The following ZC3H18 variants were observed in gnomAD, a reference collection of about 807,000 sequenced individuals.
ZC3H18 encodes the protein zinc finger CCCH domain-containing protein 18.
Under a neutral mutation model 106.1 loss-of-function variants are expected in ZC3H18, and 8 were observed. That is an observed-to-expected ratio of 0.08 (90% CI 0.04 to 0.14). ZC3H18 has a LOEUF of 0.14. ZC3H18 is among the 10% of genes least tolerant of loss of function. The probability of loss-of-function intolerance (pLI) is 1.00; values close to 1 mark genes in which losing one functional copy is unlikely to be tolerated. For synonymous variants in ZC3H18, 635 were observed against 522.1 expected, an observed-to-expected ratio of 1.22 and a Z score of -2.95; for missense variants, 1,318 against 1,278.4, an observed-to-expected ratio of 1.03 and a Z score of -0.47.
chr16:88,622,357 G>GCCT lies in ZC3H18; in HGVS notation c.1638_1640dup (p.Ser548dup), dbSNP rs747055776. 4 of 1,611,866 alleles carry GCCT rather than the reference G, an allele frequency of 2.5e-6. No homozygotes were observed. Among genetic ancestry groups the GCCT allele is most frequent in the Non-Finnish European group, 3.4e-6 (4 of 1,178,896 alleles). On this transcript the variant is annotated inframe_insertion, in exon 9 of 18. Coordinates refer to ENST00000301011, the MANE Select transcript of ZC3H18 (RefSeq NM_144604.4). ...GGCTCGAAGGCGTCGGAAAACATCA[G>GCCT]CCTCGTCAGCCTCTGCCTCTAATTC... is the stretch of plus-strand genomic sequence containing the variant.
Position 88,577,558 on chromosome 16 carries a change from C to G in ZC3H18, c.435C>G (p.Asp145Glu). Residue 145 changes from aspartate to glutamate, a missense_variant, in exon 2 of 18, where the codon GAC becomes GAG. By Grantham distance (45) the Asp-to-Glu change is conservative. Around this residue, in one of 6 missense-constraint regions of ZC3H18, gnomAD observed 346 missense variants for 269.0 expected, o/e 1.29. Coordinates refer to ENST00000301011, the MANE Select transcript of ZC3H18 (RefSeq NM_144604.4). ...PEEPAPAVQE[D>E]EAEKAGAEDD... ...AGCCAGCTCCCGCCGTCCAGGAGGA[C>G]GAGGCTGAGAAAGCGGGGGCTGAGG... is the stretch of plus-strand genomic sequence containing the variant. 2 of 1,613,472 alleles carry G rather than the reference C, an allele frequency of 1.2e-6. No homozygotes were observed. The highest frequency in any genetic ancestry group is 1.7e-6 in the Non-Finnish European group (2 of 1,179,962).
In ZC3H18 at chr16:88,623,601, C is replaced by G. The variant is rs545281910; in HGVS notation, c.1793+257C>G. ...CCTCGAGTTGAGGCACTCCAGTCCTCCGCAGACAGGCCGAGGAAGGGGCCA... is the reference window on the plus strand; with the variant it reads ...CCTCGAGTTGAGGCACTCCAGTCCTGCGCAGACAGGCCGAGGAAGGGGCCA... On this transcript the variant is annotated intron_variant, in intron 10 of 17. Transcript: ENST00000301011. 2.7e-3 allele frequency: 1,567 copies of G among 589,378 alleles called. 2 individuals carry two copies. Among genetic ancestry groups the G allele is most frequent in the Non-Finnish European group, 3.0e-3 (1,009 of 340,478 alleles). 36.5% of individuals were successfully genotyped at this position (589,378 alleles called of 1,614,324 possible).
chr16:88,604,743 A>C (rs1904927734), intron 6 of ZC3H18, among the ~76,000 whole-genome samples: 1 of 152,180 alleles, frequency 6.6e-6, no homozygotes, highest in Admixed American at 6.5e-5. Flanking sequence ...CTGTGCCCAG[A>C]ATATTCTACA....
chr16:88,622,168 G>A (rs1435535371), intron 8 of ZC3H18, 29 bp from the exon 9 acceptor site: 1 of 1,592,002 alleles, frequency 6.3e-7, no homozygotes, highest in Admixed American at 1.7e-5. Flanking sequence ...AAGGTGGCCT[G>A]AGAGTTGCTA....
intron 3 of ZC3H18, 86 bp from the exon 4 acceptor site, chr16:88,598,092 G>GCCCCCCCCC: frequency 2.3e-5 from 8 of 349,602 alleles, no homozygotes; most frequent in Non-Finnish European, 3.3e-5. Flanking sequence ...CATGGCCTCT[G>GCCCCCCCCC]CCCCCTCCCA....
chr16:88,619,714 T>G (rs1412235706), intron 8 of ZC3H18, among the ~76,000 whole-genome samples: 1 of 152,102 alleles, frequency 6.6e-6, no homozygotes, highest in East Asian at 1.9e-4. Flanking sequence ...TCCTTCCCCC[T>G]CACCGCAGCT....
chr16:88,614,753 T>G (rs977628959), intron 8 of ZC3H18, among the ~76,000 whole-genome samples: 4 of 152,260 alleles, frequency 2.6e-5, no homozygotes, highest in African/African-American at 7.2e-5. Flanking sequence ...TTGTGCCGCC[T>G]TCTTCAGCCT....
intron 8 of ZC3H18, 30 bp downstream of exon 8, chr16:88,611,566 G>A: frequency 6.5e-7 from 1 of 1,545,084 alleles, no homozygotes; most frequent in Non-Finnish European, 8.7e-7. Context: ...GCCCAGGGGT[G>A]TGGGGGAGGT....
Position 88,627,467 on chromosome 16 carries a change from A to G in ZC3H18, c.2109-155A>G. 2.0e-6 allele frequency: 2 copies of G among 1,017,456 alleles called. No homozygotes were observed. The highest frequency in any genetic ancestry group is 2.8e-6 in the Non-Finnish European group (2 of 713,732). The allele number at this position is 1,017,456 out of a possible 1,614,324, so 63.0% of individuals were successfully genotyped here. A position where few individuals can be genotyped will look rare whatever the true frequency, so the allele number is the denominator to read the frequency against. ...GCCATGGGGACGTCCCTTACTTTGTAACCCTGAAACTGCCCAGTGTCCCCC... is the reference window on the plus strand; with the variant it reads ...GCCATGGGGACGTCCCTTACTTTGTGACCCTGAAACTGCCCAGTGTCCCCC... On this transcript the variant is annotated intron_variant, in intron 13 of 17. Coordinates refer to ENST00000301011, the MANE Select transcript of ZC3H18 (RefSeq NM_144604.4). The surrounding 1 kb of genome is among the most constrained non-coding windows in gnomAD (Gnocchi z 4.5).
At position 88,627,980 on chromosome 16, in the gene ZC3H18, A is replaced by C. The variant is rs997025452; in HGVS notation, c.2330A>C (p.Gln777Pro). 2 of 1,614,138 alleles carry C rather than the reference A, an allele frequency of 1.2e-6. No homozygotes were observed. Among genetic ancestry groups the C allele is most frequent in the Non-Finnish European group, 1.7e-6 (2 of 1,180,036 alleles). ...EEKRKRDSST[Q>P]PPKSAKPPAG... ...AAGCGGAAAAGGGATTCGTCCACAC[A>C]ACCACCCAAATCTGCAAAACCTCCA... The change falls in exon 15 of 18, where the codon CAA becomes CCA. Residue 777 changes from glutamine to proline, a missense_variant. Transcript: ENST00000301011. The surrounding 1 kb of genome is among the most constrained non-coding windows in gnomAD (Gnocchi z 4.5).
chr16:88,614,202 G>A (rs554922336), intron 8 of ZC3H18, among the ~76,000 whole-genome samples: 2 of 152,368 alleles, frequency 1.3e-5, no homozygotes, highest in African/African-American at 4.8e-5. Context: ...AGACCTGCAG[G>A]CATGGGCAGC....
intron 11 of ZC3H18, 151 bp from the exon 12 acceptor site, chr16:88,624,451 G>A (rs2142817017): frequency 1.6e-6 from 2 of 1,242,286 alleles, no homozygotes; most frequent in East Asian, 5.1e-5. Flanking sequence ...GACACCGATG[G>A]GTGGGGAGCC....
In ZC3H18 at chr16:88,611,369, AGAGCGG is replaced by A. The variant is rs747769785; in HGVS notation, c.1314_1319del (p.Glu441_Arg442del). 1.0e-6 allele frequency: 1 copy of A among 986,114 alleles called. No individual in the cohort carries two copies. The highest frequency in any genetic ancestry group is 1.6e-6 in the Non-Finnish European group (1 of 632,284). 61.1% of individuals were successfully genotyped at this position (986,114 alleles called of 1,614,324 possible). The stretch of plus-strand genomic sequence containing the variant: ...AGCGCCGGCAGAGGGAGCGCGAGCG[AGAGCGG>A]GAGCGCGAGCGCGACAAGGAGCGGC... On this transcript the variant is annotated inframe_deletion, in exon 8 of 18. Coordinates refer to ENST00000301011, the MANE Select transcript of ZC3H18 (RefSeq NM_144604.4).
At chr16:88,588,448 C>G (rs1278117808) in intron 3 of ZC3H18, among the ~76,000 whole-genome samples, 1 of 152,186 alleles carries the variant, frequency 6.6e-6, no homozygotes, top group African/African-American at 2.4e-5. Context: ...TGAGCTAATT[C>G]CAGAATTTAA....
intron 9 of ZC3H18, 111 bp from the exon 10 acceptor site, chr16:88,623,090 CGTGCGCAGCTGTGCGCTT>C: frequency 7.4e-7 from 1 of 1,347,956 alleles, no homozygotes. Context: ...GCTGTGCGCG[CGTGCGCAGCTGTGCGCTT>C]GTGTGTAGCT....
At chr16:88,572,741 A>G (rs1219730019) in intron 1 of ZC3H18, among the ~76,000 whole-genome samples, 1 of 151,554 alleles carries the variant, frequency 6.6e-6, no homozygotes, top group Non-Finnish European at 1.5e-5. Flanking sequence ...TTAAGAGGCC[A>G]CGTTTCCCTT....
intron 2 of ZC3H18, among the ~76,000 whole-genome samples, chr16:88,585,362 A>T (rs916052893): frequency 6.6e-6 from 1 of 152,258 alleles, no homozygotes; most frequent in African/African-American, 2.4e-5. Flanking sequence ...TTCAACAGAT[A>T]ATTACGGACT....
At chr16:88,628,235 C>G (rs959135295) in intron 15 of ZC3H18, 116 bp downstream of exon 15, 113 of 1,162,180 alleles carry the variant, frequency 9.7e-5, no homozygotes, top group Non-Finnish European at 1.3e-4. Flanking sequence ...TGGGGCCTTG[C>G]AGGTGTCAGC....
At chr16:88,628,882 G>T in intron 16 of ZC3H18, 28 bp downstream of exon 16, 1 of 1,612,894 alleles carries the variant, frequency 6.2e-7, no homozygotes, top group Non-Finnish European at 8.5e-7. Flanking sequence ...TAGGGGGCAG[G>T]GCAGAGGGAC....
Sources: gnomAD v4.1 joint callset for allele counts (sites outside exome capture counted in the v4.1 genomes callset) on GRCh38, gnomAD v4.1.1 for gene constraint, gnomAD v4.1.1 regional missense constraint, Gnocchi (gnomAD v3.1) non-coding constraint, MANE v1.5 for transcripts, NCBI Gene and HGNC (gene_info 2026-07-23, HGNC 2026-07-21) for gene names.